The following BRD10 variants were observed in gnomAD, a reference collection of about 807,000 sequenced individuals.
The protein encoded by BRD10 is uncharacterized bromodomain-containing protein 10.
chr9:5,914,409 G>GTTTT, the BRD10 span, among the ~76,000 whole-genome samples: 2,078 of 106,686 alleles, frequency 0.019, 235 homozygotes, highest in Non-Finnish European at 0.024. Context: ...AAATCCAGAT[G>GTTTT]GTTTTTTTTT....
chr9:5,966,174 G>C, the BRD10 span, among the ~76,000 whole-genome samples: 3 of 151,996 alleles, frequency 2.0e-5, no homozygotes, highest in Non-Finnish European at 2.9e-5. Flanking sequence ...CCTCAACTAA[G>C]GCTTAGAGTA....
chr9:5,971,902 A>G, the BRD10 span, among the ~76,000 whole-genome samples: 1 of 151,676 alleles, frequency 6.6e-6, no homozygotes, highest in South Asian at 2.1e-4. Flanking sequence ...TGTCTTCACA[A>G]TAGGAGTGGT....
the BRD10 span, among the ~76,000 whole-genome samples, chr9:5,905,309 G>A: frequency 6.6e-6 from 1 of 152,178 alleles, no homozygotes; most frequent in Admixed American, 6.5e-5. Context: ...AAAACTGAGT[G>A]TTGGCCATGA....
the BRD10 span, among the ~76,000 whole-genome samples, chr9:5,952,001 T>TTATG: frequency 2.6e-5 from 2 of 77,202 alleles, no homozygotes; most frequent in South Asian, 6.4e-4. Flanking sequence ...AGGAAGAGAC[T>TTATG]TATTTATTTA....
At chr9:5,897,696 C>A in the BRD10 span, 1 of 1,513,526 alleles carries the variant, frequency 6.6e-7, no homozygotes, top group Non-Finnish European at 9.2e-7. Flanking sequence ...AAGTCCAGGG[C>A]CCTCTTTCCA....
At chr9:5,953,759 G>T in the BRD10 span, among the ~76,000 whole-genome samples, 1 of 151,478 alleles carries the variant, frequency 6.6e-6, no homozygotes, top group South Asian at 2.1e-4. Context: ...CTGCTTCTAG[G>T]AAATGTACTA....
the BRD10 span, among the ~76,000 whole-genome samples, chr9:5,983,851 A>G: frequency 6.6e-6 from 1 of 152,056 alleles, no homozygotes; most frequent in African/African-American, 2.4e-5. Context: ...AGGAACAAAG[A>G]TAAGGAAGTC....
chr9:5,899,220 C>T, the BRD10 span: 1 of 152,122 alleles, frequency 6.6e-6, no homozygotes, highest in Admixed American at 6.5e-5. Context: ...AGTCCCATTC[C>T]TCATTCAGCA....
chr9:5,913,963 G>C, the BRD10 span: 2 of 446,826 alleles, frequency 4.5e-6, no homozygotes, highest in South Asian at 3.2e-5. Flanking sequence ...AGAAAGTCTT[G>C]GAAAGAAGCA....
chr9:5,925,252 G>A, the BRD10 span, among the ~76,000 whole-genome samples: 26 of 151,662 alleles, frequency 1.7e-4, no homozygotes, highest in South Asian at 8.3e-4. Context: ...CCAGCTATTC[G>A]GGAGGCTGAG....
the BRD10 span, among the ~76,000 whole-genome samples, chr9:5,960,108 G>A: frequency 6.6e-6 from 1 of 152,120 alleles, no homozygotes; most frequent in East Asian, 1.9e-4. Context: ...TTCTCTACTT[G>A]ACCTTTTATT....
chr9:5,997,380 T>TTCTGCTA, the BRD10 span, among the ~76,000 whole-genome samples: 1 of 152,196 alleles, frequency 6.6e-6, no homozygotes, highest in Non-Finnish European at 1.5e-5. Flanking sequence ...CAAATGTTGC[T>TTCTGCTA]TCTGCTATAC....
the BRD10 span, among the ~76,000 whole-genome samples, chr9:5,907,652 A>C: frequency 6.6e-6 from 1 of 152,326 alleles, no homozygotes; most frequent in South Asian, 2.1e-4. Context: ...TAGCTACTAG[A>C]AATTTTAAAA....
the BRD10 span, chr9:5,968,353 C>A: frequency 1.1e-5 from 17 of 1,610,582 alleles, no homozygotes; most frequent in Middle Eastern, 3.3e-4. Flanking sequence ...TGGGTTCAAT[C>A]TTTATTCTGG....
the BRD10 span, among the ~76,000 whole-genome samples, chr9:5,980,794 T>C: frequency 6.6e-6 from 1 of 152,196 alleles, no homozygotes; most frequent in Non-Finnish European, 1.5e-5. Flanking sequence ...AGTATTACCA[T>C]ATTAAAATAT....
the BRD10 span, among the ~76,000 whole-genome samples, chr9:5,987,297 A>G: frequency 1.1e-4 from 17 of 152,140 alleles, no homozygotes; most frequent in African/African-American, 3.9e-4. Flanking sequence ...TTCTCAGGAC[A>G]ATCTGATTTC....
chr9:5,906,237 G>A, the BRD10 span, among the ~76,000 whole-genome samples: 1 of 150,754 alleles, frequency 6.6e-6, no homozygotes, highest in South Asian at 2.1e-4. Context: ...GGCTGAGGCA[G>A]GAGTATCACT....
chr9:5,893,626 C>A, the BRD10 span, among the ~76,000 whole-genome samples: 3 of 152,232 alleles, frequency 2.0e-5, no homozygotes, highest in African/African-American at 7.2e-5. Flanking sequence ...GCCCATTGCC[C>A]GTGCTATTAG....
chr9:5,933,755 C>A, the BRD10 span: 1 of 470,534 alleles, frequency 2.1e-6, no homozygotes, highest in Admixed American at 2.3e-5. Context: ...ACTTACCTCA[C>A]AACTAAAGAA....
Sources: gnomAD v4.1 joint callset for allele counts (sites outside exome capture counted in the v4.1 genomes callset) on GRCh38, gnomAD v4.1.1 for gene constraint, MANE v1.5 for transcripts, NCBI Gene and HGNC (gene_info 2026-07-23, HGNC 2026-07-21) for gene names.